ZNF536: variants seen among roughly 807,000 people sequenced by gnomAD.
ZNF536 encodes zinc finger protein 536.
In ZNF536, 13 loss-of-function variants were observed where a neutral mutation model predicts 84.5. That is an observed-to-expected ratio of 0.15 (90% CI 0.10 to 0.24). ZNF536 has a LOEUF of 0.24. Among genes scored for constraint, ZNF536 ranks in the 10% least tolerant of loss-of-function variants. The pLI is 1.00. For synonymous variants in ZNF536, 811 were observed against 742.5 expected, an observed-to-expected ratio of 1.09 and a Z score of -1.50; for missense variants, 1,536 against 1,747.5, an observed-to-expected ratio of 0.88 and a Z score of 2.16.
At chr19:30,560,942 G>A (rs1350244440), downstream of ZNF536, among the ~76,000 whole-genome samples, 1 of 152,208 alleles carries the variant, frequency 6.6e-6, no homozygotes, top group African/African-American at 2.4e-5. Context: ...TAAAGTTGGG[G>A]AACTCTGCAC....
intron 2 of ZNF536, among the ~76,000 whole-genome samples, chr19:30,470,469 AG>A (rs2053585955): frequency 8.5e-6 from 1 of 117,570 alleles, no homozygotes; most frequent in East Asian, 2.8e-4. Flanking sequence ...CATTACATTT[AG>A]TTTTTTTTTT....
At chr19:30,617,333 C>CTTTTT (rs556835599) in intron 1 of ZNF536, among the ~76,000 whole-genome samples, 1,476 of 37,664 alleles carry the variant, frequency 0.039, 482 homozygotes, top group Non-Finnish European at 0.054. Context: ...GAATAGCTTA[C>CTTTTT]TTTTTTTTTT....
chr19:30,432,146 CCTT>C (rs1022423679), intron 1 of ZNF536, among the ~76,000 whole-genome samples: 1 of 152,030 alleles, frequency 6.6e-6, no homozygotes, highest in Non-Finnish European at 1.5e-5. Flanking sequence ...GGGGCTATCT[CCTT>C]CTCAAATCAT....
chr19:30,526,950 ACT>A (rs930040418), intron 2 of ZNF536, among the ~76,000 whole-genome samples: 5 of 151,352 alleles, frequency 3.3e-5, no homozygotes, highest in African/African-American at 4.9e-5. Flanking sequence ...ACGGATTTTC[ACT>A]CTGTCACCCA....
intron 1 of ZNF536, among the ~76,000 whole-genome samples, chr19:30,428,994 A>G (rs1448738501): frequency 1.3e-5 from 2 of 152,158 alleles, no homozygotes; most frequent in African/African-American, 4.8e-5. Flanking sequence ...CTTGTCTAAC[A>G]CATGGGAAGC....
intron 1 of ZNF536, among the ~76,000 whole-genome samples, chr19:30,394,812 AG>A (rs1294796345): frequency 6.6e-6 from 1 of 152,154 alleles, no homozygotes; most frequent in African/African-American, 2.4e-5. Context: ...TCAAGAGAAA[AG>A]TTGAGGTGAC....
chr19:30,306,166 C>T (rs2046337452), intron 2 of ZNF536, among the ~76,000 whole-genome samples: 1 of 151,026 alleles, frequency 6.6e-6, no homozygotes, highest in Admixed American at 6.6e-5. Context: ...CTGACCAGGC[C>T]AGTGTGTGCA....
intron 2 of ZNF536, among the ~76,000 whole-genome samples, chr19:30,317,803 C>T (rs763490812): frequency 1.1e-4 from 16 of 152,210 alleles, no homozygotes; most frequent in African/African-American, 2.4e-4. Context: ...TCTTCTGAGA[C>T]GCCCACACAT....
At chr19:30,557,058 C>T (rs2146367434) in intron 4 of ZNF536, 99 bp from the exon 5 acceptor site, 1 of 1,288,198 alleles carries the variant, frequency 7.8e-7, no homozygotes, top group Non-Finnish European at 1.1e-6. Flanking sequence ...GTCATTATTC[C>T]ATTAAACGAT....
At chr19:30,698,841 G>A (rs2051773766) in intron 1 of ZNF536, among the ~76,000 whole-genome samples, 1 of 152,238 alleles carries the variant, frequency 6.6e-6, no homozygotes, top group African/African-American at 2.4e-5. Context: ...CTCTTAAGGA[G>A]TAGGGAGATA....
In ZNF536 at chr19:30,576,992, T is replaced by TTTG. The variant is rs988975940; in HGVS notation, c.169+27493_169+27495dup. Among the ~76,000 whole-genome samples the TTTG allele has an allele frequency of 6.8e-4, 103 of 152,370 alleles. 1 individual carries two copies. Among genetic ancestry groups the TTTG allele is most frequent in the African/African-American group, 2.3e-3 (95 of 41,586 alleles). On this transcript the variant is annotated intron_variant, in intron 1 of 1. Coordinates refer to the ZNF536 transcript ENST00000592773. The stretch of plus-strand genomic sequence containing the variant: ...TTTGTTTGGGATTTGAAGTCTGTTT[T>TTTG]TTGTTGTTGTTGTTGTTTTGTTTCT...
chr19:30,317,503 G>A (rs1030898924), intron 2 of ZNF536, among the ~76,000 whole-genome samples: 3 of 152,212 alleles, frequency 2.0e-5, no homozygotes, highest in Admixed American at 6.5e-5. Context: ...CCAGCGGCCC[G>A]AGGAGTGGGT....
At chr19:30,413,203 G>A (rs1379490326) in intron 1 of ZNF536, among the ~76,000 whole-genome samples, 2 of 151,996 alleles carry the variant, frequency 1.3e-5, no homozygotes, top group Non-Finnish European at 2.9e-5. Context: ...AGGGTGTGGA[G>A]CGGTTCTATT....
intron 1 of ZNF536, among the ~76,000 whole-genome samples, chr19:30,245,895 T>C (rs1375923187): frequency 1.3e-5 from 2 of 152,218 alleles, no homozygotes; most frequent in Non-Finnish European, 2.9e-5. Flanking sequence ...CATCAGTACG[T>C]TGGGCACGGA....
At chr19:30,373,627 T>C (rs1265115923) in intron 1 of ZNF536, among the ~76,000 whole-genome samples, 1 of 152,120 alleles carries the variant, frequency 6.6e-6, no homozygotes, top group African/African-American at 2.4e-5. Context: ...AAAGAAAAAT[T>C]GCTTGGAACG....
At chr19:30,605,885 G>A (rs1016606990) in intron 1 of ZNF536, among the ~76,000 whole-genome samples, 3 of 152,052 alleles carry the variant, frequency 2.0e-5, no homozygotes, top group Non-Finnish European at 4.4e-5. Flanking sequence ...GATAGGAGCC[G>A]TGCTGCTTCA....
At chr19:30,649,990 A>G (rs1041359678) in intron 1 of ZNF536, among the ~76,000 whole-genome samples, 1 of 152,162 alleles carries the variant, frequency 6.6e-6, no homozygotes, top group African/African-American at 2.4e-5. Context: ...AGTGAACATC[A>G]ACTGACCAGA....
At chr19:30,440,340 C>T (rs369756293) in intron 1 of ZNF536, among the ~76,000 whole-genome samples, 15 of 152,192 alleles carry the variant, frequency 9.9e-5, no homozygotes, top group East Asian at 9.7e-4. Flanking sequence ...CTGTCCGATT[C>T]GGATCGTAGG....
chr19:30,240,367 T>C (rs2023852821), intron 1 of ZNF536, among the ~76,000 whole-genome samples: 1 of 137,076 alleles, frequency 7.3e-6, no homozygotes, highest in African/African-American at 2.8e-5. Context: ...AGCAAGACTC[T>C]ATCTCAGAAA....
Sources: allele counts gnomAD v4.1 joint callset (sites outside exome capture counted in the v4.1 genomes callset), GRCh38; gene constraint gnomAD v4.1.1; transcripts MANE v1.5; gene names NCBI Gene and HGNC (gene_info 2026-07-23, HGNC 2026-07-21).